The following COL4A1 variants were observed in gnomAD, a reference collection of about 807,000 sequenced individuals.
COL4A1 encodes the protein collagen alpha-1(IV) chain.
A neutral mutation model predicts 216.6 loss-of-function variants in COL4A1; 40 were observed. The observed-to-expected ratio is 0.18, with a 90% CI of 0.14 to 0.24. The LOEUF (loss-of-function observed/expected upper bound fraction) is 0.24, where lower values mean the gene tolerates loss of function less well. COL4A1 is among the 10% of genes least tolerant of loss of function. The pLI, the probability that COL4A1 is intolerant of heterozygous loss-of-function variation, is 1.00. For missense variants in COL4A1, 1,628 were observed against 2,196.8 expected (o/e 0.74, Z 5.18); for synonymous variants, 839 against 810.7 (o/e 1.03, Z -0.59).
In COL4A1 at chr13:110,161,295, A is replaced by T. The variant is rs1288349597; in HGVS notation, c.4537T>A (p.Phe1513Ile). 6.2e-7 allele frequency: 1 copy of T among 1,614,224 alleles called. No homozygotes were observed. Among genetic ancestry groups the T allele is most frequent in the Non-Finnish European group, 8.5e-7 (1 of 1,180,052 alleles). The change falls in exon 49 of 52, where the codon TTT becomes ATT. Residue 1513 changes from phenylalanine (F) to isoleucine (I), a missense_variant. Physicochemically the swap from Phe to Ile is conservative, Grantham distance 21 (BLOSUM62 0). Coordinates refer to ENST00000375820, the MANE Select transcript of COL4A1 (RefSeq NM_001845.6). ...LFCNINNVCN[F>I]ASRNDYSYWL... ...TACGAGTAGTCATTTCGTGATGCAA[A>T]GTTGCACACGTTGTTAATATTGCAG...
At chr13:110,214,287 A>G (rs1277964202) in intron 2 of COL4A1, among the ~76,000 whole-genome samples, 1 of 151,980 alleles carries the variant, frequency 6.6e-6, no homozygotes, top group Non-Finnish European at 1.5e-5. Context: ...GCAGGGTTTC[A>G]CCATGTTGGC....
chr13:110,183,787 G>A (rs1025428064), intron 26 of COL4A1, among the ~76,000 whole-genome samples: 14 of 152,178 alleles, frequency 9.2e-5, no homozygotes, highest in African/African-American at 3.4e-4. Context: ...AGAGCTCTGC[G>A]CTCACTTGAG....
chr13:110,179,880 T>C (rs1409125005), intron 29 of COL4A1, among the ~76,000 whole-genome samples: 1 of 152,166 alleles, frequency 6.6e-6, no homozygotes, highest in Non-Finnish European at 1.5e-5. Flanking sequence ...TTAATGAAGG[T>C]TTCACAGTAA....
At chr13:110,194,748 A>G (rs921771930) in intron 22 of COL4A1, among the ~76,000 whole-genome samples, 2 of 152,166 alleles carry the variant, frequency 1.3e-5, no homozygotes, top group Non-Finnish European at 2.9e-5. Context: ...TCTGCTGACC[A>G]CGCCCACTGT....
chr13:110,186,284 C>T lies in COL4A1; in HGVS notation c.1897+101G>A, dbSNP rs1878399529. On this transcript the variant is annotated intron_variant, in intron 26 of 51. Coordinates refer to ENST00000375820, the MANE Select transcript of COL4A1 (RefSeq NM_001845.6). ...TGGAAGAATCAAAGCCAAGTGTGCG[C>T]CCTGGCCTATGCGAACCCCAGGCCT... The T allele has an allele frequency of 1.2e-5, 18 of 1,454,228 alleles. 1 individual carries two copies. Among genetic ancestry groups the T allele is most frequent in the South Asian group, 6.9e-5 (6 of 86,998 alleles). 90.1% of individuals were successfully genotyped at this position (1,454,228 alleles called of 1,614,324 possible).
chr13:110,159,489 T>C (rs1876965703), intron 49 of COL4A1, among the ~76,000 whole-genome samples: 1 of 152,160 alleles, frequency 6.6e-6, no homozygotes, highest in South Asian at 2.1e-4. Context: ...ACTGGGACCC[T>C]GTGCGCTGTG....
At chr13:110,286,688 G>A (rs1419924569) in intron 1 of COL4A1, among the ~76,000 whole-genome samples, 1 of 152,192 alleles carries the variant, frequency 6.6e-6, no homozygotes, top group African/African-American at 2.4e-5. Context: ...AGATCCCAAA[G>A]GTGAACAAAC....
At chr13:110,231,309 G>A (rs1881050521) in intron 2 of COL4A1, among the ~76,000 whole-genome samples, 1 of 152,174 alleles carries the variant, frequency 6.6e-6, no homozygotes, top group South Asian at 2.1e-4. Context: ...GGGAGGTGAG[G>A]AGGCACAGTT....
At chr13:110,232,964 C>T (rs1343146172) in intron 2 of COL4A1, among the ~76,000 whole-genome samples, 3 of 152,090 alleles carry the variant, frequency 2.0e-5, no homozygotes, top group South Asian at 2.1e-4. Context: ...GAGCTGGAAA[C>T]GAGAATGTGC....
At chr13:110,303,978 G>A (rs781324047) in intron 1 of COL4A1, among the ~76,000 whole-genome samples, 1 of 152,200 alleles carries the variant, frequency 6.6e-6, no homozygotes, top group Non-Finnish European at 1.5e-5. Flanking sequence ...CTTAAAAGCA[G>A]GTATAAAATG....
At chr13:110,236,324 G>A (rs1881315216) in intron 2 of COL4A1, among the ~76,000 whole-genome samples, 3 of 152,150 alleles carry the variant, frequency 2.0e-5, no homozygotes, top group Admixed American at 6.5e-5. Flanking sequence ...TAGATTTATG[G>A]TATTCCTTAC....
chr13:110,159,718 G>A (rs1413463382), intron 49 of COL4A1, among the ~76,000 whole-genome samples: 4 of 152,166 alleles, frequency 2.6e-5, no homozygotes, highest in African/African-American at 4.8e-5. Flanking sequence ...CAGTGACAGA[G>A]GAATGGAGAA....
intron 51 of COL4A1, among the ~76,000 whole-genome samples, chr13:110,151,354 G>A (rs897226335): frequency 7.9e-5 from 12 of 151,596 alleles, no homozygotes; most frequent in South Asian, 6.2e-4. Context: ...AGAGGACACC[G>A]CAAGGGCTGA....
intron 1 of COL4A1, among the ~76,000 whole-genome samples, chr13:110,280,424 A>G (rs1382090171): frequency 6.6e-6 from 1 of 152,270 alleles, no homozygotes; most frequent in Non-Finnish European, 1.5e-5. Flanking sequence ...TCCAAACTTC[A>G]TAATTCTCAT....
intron 21 of COL4A1, among the ~76,000 whole-genome samples, chr13:110,195,720 G>A (rs1048569768): frequency 6.6e-6 from 1 of 152,144 alleles, no homozygotes; most frequent in African/African-American, 2.4e-5. Flanking sequence ...TATCAGTATT[G>A]TTTATTGTTT....
chr13:110,172,869 TA>T, intron 40 of COL4A1, 99 bp from the exon 41 acceptor site: 1 of 933,142 alleles, frequency 1.1e-6, no homozygotes, highest in Non-Finnish European at 1.8e-6. Flanking sequence ...ATACTACGTA[TA>T]TTGTGGAGTA....
Position 110,211,547 on chromosome 13 carries a change from G to A in COL4A1, c.468+100C>T, listed in dbSNP as rs1362998280. 3.0e-5 allele frequency: 34 copies of A among 1,148,798 alleles called. No homozygotes were observed. Among genetic ancestry groups the A allele is most frequent in the Middle Eastern group, 2.0e-4 (1 of 5,028 alleles). The allele number at this position is 1,148,798 out of a possible 1,614,324, so 71.2% of individuals were successfully genotyped here. On this transcript the variant is annotated intron_variant, in intron 8 of 51. Coordinates refer to ENST00000375820, the MANE Select transcript of COL4A1 (RefSeq NM_001845.6). The surrounding 1 kb of genome is among the most constrained non-coding windows in gnomAD (Gnocchi z 4.3). Reference sequence around the variant, plus strand: ...TAGGGAAGTGTGTTCAGAAACAATCGATCAGCCAAAGTGGTTTAAAGAGAA... The same window carrying A: ...TAGGGAAGTGTGTTCAGAAACAATCAATCAGCCAAAGTGGTTTAAAGAGAA...
intron 36 of COL4A1, among the ~76,000 whole-genome samples, chr13:110,175,930 G>A (rs1445836619): frequency 6.6e-6 from 1 of 152,196 alleles, no homozygotes; most frequent in Non-Finnish European, 1.5e-5. Flanking sequence ...GAGCTCTGAG[G>A]ACCATCACCA....
intron 15 of COL4A1, among the ~76,000 whole-genome samples, 153 bp from the exon 16 acceptor site, chr13:110,205,691 CG>C (rs1308382101): frequency 6.6e-6 from 1 of 152,020 alleles, no homozygotes; most frequent in Non-Finnish European, 1.5e-5. Flanking sequence ...GGCGAAATCC[CG>C]TCTCCACTAA....
Sources: allele counts gnomAD v4.1 joint callset (sites outside exome capture counted in the v4.1 genomes callset), GRCh38; gene constraint gnomAD v4.1.1; non-coding constraint Gnocchi (gnomAD v3.1); transcripts MANE v1.5; gene names NCBI Gene and HGNC (gene_info 2026-07-23, HGNC 2026-07-21).